PGAP1: variants seen among roughly 807,000 people sequenced by gnomAD.
PGAP1 encodes the protein post-GPI attachment to proteins inositol deacylase 1, also known as GPI inositol-deacylase.
Under a neutral mutation model 127.0 loss-of-function variants are expected in PGAP1, and 76 were observed. The observed-to-expected ratio is 0.60, with a 90% CI of 0.50 to 0.72. The LOEUF (loss-of-function observed/expected upper bound fraction) is 0.72, where lower values mean the gene tolerates loss of function less well. Among genes scored for constraint, PGAP1 ranks in the 30% least tolerant of loss-of-function variants. The pLI, the probability that PGAP1 is intolerant of heterozygous loss-of-function variation, is 0.00. For synonymous variants in PGAP1, 362 were observed against 366.5 expected (o/e 0.99, Z 0.14); for missense variants, 982 against 1,071.3 (o/e 0.92, Z 1.16).
intron 13 of PGAP1, chr2:196,877,613 A>G (rs1434597404): frequency 2.0e-5 from 3 of 152,164 alleles, no homozygotes; most frequent in Non-Finnish European, 4.4e-5. Flanking sequence ...AGTATTGCAG[A>G]TGCTGAATTA....
chr2:196,873,757 TC>T lies in PGAP1; in HGVS notation c.1427del (p.Gly476AspfsTer9). 3 of 1,600,230 alleles carry T rather than the reference TC, an allele frequency of 1.9e-6. No individual in the cohort carries two copies. The highest frequency in any genetic ancestry group is 2.6e-6 in the Non-Finnish European group (3 of 1,167,730). ...TTAACACCACTTTCCTTGAAGACAATCCTGTTGAATTCAAAGTACTGTATTA... is the reference window on the plus strand; with the variant it reads ...TTAACACCACTTTCCTTGAAGACAATCTGTTGAATTCAAAGTACTGTATTA... Reference protein sequence around the residue: ...QLPVTHLFSFGLSSRKVVLNT... With the variant: ...QLPVTHLFSFXLSSRKVVLNT... On this transcript the variant is annotated frameshift_variant and splice_region_variant, in exon 15 of 27. Coordinates refer to ENST00000354764, the MANE Select transcript of PGAP1 (RefSeq NM_024989.4). LOFTEE classifies it high-confidence loss of function.
chr2:196,880,473 TA>T (rs942076703), intron 12 of PGAP1, among the ~76,000 whole-genome samples: 36 of 152,186 alleles, frequency 2.4e-4, no homozygotes, highest in Admixed American at 6.5e-5. Flanking sequence ...TTTCTTTTTA[TA>T]ATTTGGTTAT....
At position 196,847,143 on chromosome 2, in the gene PGAP1, G is replaced by A. The variant is rs1700578949; in HGVS notation, c.2010C>T (p.Val670=). The A allele has an allele frequency of 6.2e-7, 1 of 1,613,224 alleles. No individual in the cohort carries two copies. The change falls in exon 22 of 27, where the codon GTC becomes GTT. Residue 670 remains valine, a synonymous_variant. Coordinates refer to ENST00000354764, the MANE Select transcript of PGAP1 (RefSeq NM_024989.4). ...AACACATACTCTGACAAGTTAAAATGACGGCATCTAATTCTGGTAACAATA... is the reference window on the plus strand; with the variant it reads ...AACACATACTCTGACAAGTTAAAATAACGGCATCTAATTCTGGTAACAATA... ...DVLLLPELDA[V]ILTCQSMCFP...
At chr2:196,860,698 TAGAA>T (rs1701037924) in intron 20 of PGAP1, among the ~76,000 whole-genome samples, 1 of 151,682 alleles carries the variant, frequency 6.6e-6, no homozygotes, top group African/African-American at 2.4e-5. Context: ...CACGAAAAAA[TAGAA>T]AGCAATTCCA....
chr2:196,873,997 A>G (rs1256516213), intron 14 of PGAP1: 4 of 362,362 alleles, frequency 1.1e-5, no homozygotes, highest in South Asian at 5.6e-5. Flanking sequence ...TATAATTCCA[A>G]TTTCAGAAAG....
chr2:196,890,835 G>C lies in PGAP1; in HGVS notation c.1166C>G (p.Thr389Ser). The C allele has an allele frequency of 6.5e-7, 1 of 1,530,432 alleles. No homozygotes were observed. The highest frequency in any genetic ancestry group is 9.0e-7 in the Non-Finnish European group (1 of 1,105,072). 94.8% of individuals were successfully genotyped at this position (1,530,432 alleles called of 1,614,324 possible). The change falls in exon 10 of 27, where the codon ACT (threonine) becomes AGT (serine). Residue 389 changes from threonine to serine, a missense_variant. By Grantham distance (58) the Thr-to-Ser change is moderately conservative. Transcript: ENST00000354764. ...KIYTHVYCQS[T>S]MLDTNSWIFA... ...ATGTACCAATTATCTTACCAGCATA[G>C]TGCTCTGACAATAGACATGAGTGTA... is the stretch of plus-strand genomic sequence containing the variant.
chr2:196,886,449 C>T (rs914914426), intron 10 of PGAP1, among the ~76,000 whole-genome samples: 1 of 151,950 alleles, frequency 6.6e-6, no homozygotes, highest in African/African-American at 2.4e-5. Flanking sequence ...GTGTGAGCCA[C>T]CACGCCTCGC....
At chr2:196,890,395 C>T (rs904058566) in intron 10 of PGAP1, among the ~76,000 whole-genome samples, 1 of 152,144 alleles carries the variant, frequency 6.6e-6, no homozygotes, top group African/African-American at 2.4e-5. Context: ...AGTTACTCTA[C>T]TATCTTAGAG....
At chr2:196,883,311 G>A (rs1395053642) in intron 12 of PGAP1, among the ~76,000 whole-genome samples, 2 of 152,198 alleles carry the variant, frequency 1.3e-5, no homozygotes, top group Non-Finnish European at 2.9e-5. Flanking sequence ...GGACAGAGAT[G>A]CTCAAGCTAA....
intron 12 of PGAP1, among the ~76,000 whole-genome samples, chr2:196,884,179 A>T (rs1055152396): frequency 5.9e-5 from 9 of 152,218 alleles, no homozygotes; most frequent in African/African-American, 2.2e-4. Context: ...TATAGGCTGG[A>T]TAGAACATCC....
In PGAP1 at chr2:196,865,066, A is replaced by G; in HGVS notation, c.1782T>C (p.His594=). Residue 594 remains histidine, a synonymous_variant, in exon 20 of 27, where the codon CAT becomes CAC. Transcript: ENST00000354764. ...CGACATAAGCAGGAAGAGCTCCACCATGAAATCTAACTACCTAAAAAACAG... is the reference window on the plus strand; with the variant it reads ...CGACATAAGCAGGAAGAGCTCCACCGTGAAATCTAACTACCTAAAAAACAG... ...SQILGQVVRF[H]GGALPAYVVS... 1.3e-6 allele frequency: 2 copies of G among 1,558,502 alleles called. No homozygotes were observed. Among genetic ancestry groups the G allele is most frequent in the Non-Finnish European group, 1.7e-6 (2 of 1,159,248 alleles).
chr2:196,904,553 T>G (rs867382619), intron 4 of PGAP1, among the ~76,000 whole-genome samples: 1 of 151,988 alleles, frequency 6.6e-6, no homozygotes, highest in Non-Finnish European at 1.5e-5. Flanking sequence ...CTGGCCAACA[T>G]GGTGAAACAC....
chr2:196,900,375 A>G (rs1486367687), intron 5 of PGAP1, among the ~76,000 whole-genome samples: 1 of 152,234 alleles, frequency 6.6e-6, no homozygotes, highest in African/African-American at 2.4e-5. Context: ...TGATACAATT[A>G]TGGTCTCTAA....
chr2:196,912,138 T>C (rs1273298752), intron 4 of PGAP1, among the ~76,000 whole-genome samples: 1 of 152,190 alleles, frequency 6.6e-6, no homozygotes, highest in Non-Finnish European at 1.5e-5. Flanking sequence ...ATGAAGTCTT[T>C]AAAATCCATA....
At position 196,833,731 on chromosome 2, in the gene PGAP1, T is replaced by C. The variant is rs1700159200; in HGVS notation, c.*7503A>G. On this transcript the variant is annotated 3_prime_UTR_variant, in exon 27 of 27. Coordinates refer to ENST00000354764, the MANE Select transcript of PGAP1 (RefSeq NM_024989.4). ...GTTGAGTTTACTTTCAAAATTGAAA[T>C]TGAAAAATATACAACAACTGTGAGT... 6.6e-6 allele frequency: 1 copy of C among 152,220 alleles called. No homozygotes were observed. The highest frequency in any genetic ancestry group is 1.9e-4 in the East Asian group (1 of 5,188). 9.4% of individuals were successfully genotyped at this position (152,220 alleles called of 1,614,324 possible).
intron 1 of PGAP1, among the ~76,000 whole-genome samples, 167 bp downstream of exon 1, chr2:196,926,303 G>T (rs1165562031): frequency 7.9e-5 from 12 of 151,766 alleles, no homozygotes. Flanking sequence ...AGGTGAGGGG[G>T]GCAGAAGGGG....
At chr2:196,916,148 T>C (rs1245818074) in intron 3 of PGAP1, among the ~76,000 whole-genome samples, 1 of 152,178 alleles carries the variant, frequency 6.6e-6, no homozygotes, top group South Asian at 2.1e-4. Context: ...TCTATACCAA[T>C]GGTTTTTAGG....
At chr2:196,914,717 C>A (rs1702943973) in intron 3 of PGAP1, among the ~76,000 whole-genome samples, 1 of 151,934 alleles carries the variant, frequency 6.6e-6, no homozygotes, top group African/African-American at 2.4e-5. Flanking sequence ...AACTTCCATA[C>A]ACTCTTAAAT....
chr2:196,903,560 C>CAAAAA (rs11312715), intron 4 of PGAP1, among the ~76,000 whole-genome samples: 17 of 79,202 alleles, frequency 2.1e-4, no homozygotes, highest in East Asian at 3.6e-4. Flanking sequence ...GACTCTGTCT[C>CAAAAA]AAAAAAAAAA....
Sources: gnomAD v4.1 joint callset for allele counts (sites outside exome capture counted in the v4.1 genomes callset) on GRCh38, gnomAD v4.1.1 for gene constraint, MANE v1.5 for transcripts, NCBI Gene and HGNC (gene_info 2026-07-23, HGNC 2026-07-21) for gene names.